The following CS variants were observed in gnomAD, a reference collection of about 807,000 sequenced individuals.
CS encodes the protein citrate synthase, mitochondrial.
CS carries 13 observed loss-of-function variants against 61.4 expected under a neutral mutation model. That is an observed-to-expected ratio of 0.21 (90% CI 0.14 to 0.34). The LOEUF (loss-of-function observed/expected upper bound fraction) is 0.34. Among genes scored for constraint, CS ranks in the 10% least tolerant of loss-of-function variants. CS has a pLI of 1.00. For synonymous variants in CS, 159 were observed against 215.2 expected (o/e 0.74, Z 2.29); for missense variants, 278 against 573.4 (o/e 0.48, Z 5.26).
At chr12:56,290,477 TG>T (rs978681003) in intron 1 of CS, among the ~76,000 whole-genome samples, 4 of 152,188 alleles carry the variant, frequency 2.6e-5, no homozygotes, top group Admixed American at 1.3e-4. Context: ...CCCAAAGTGC[TG>T]GGATTACAGG....
intron 6 of CS, 51 bp from the exon 7 acceptor site, chr12:56,276,246 A>C (rs760381222): frequency 4.5e-6 from 7 of 1,568,918 alleles, no homozygotes; most frequent in Admixed American, 3.4e-5. Context: ...ATCAGCAAAG[A>C]AGAATTAGGC....
chr12:56,281,270 G>A (rs1342061663), intron 6 of CS, among the ~76,000 whole-genome samples: 9 of 152,264 alleles, frequency 5.9e-5, no homozygotes, highest in Admixed American at 4.6e-4. Context: ...GTGTTTCTGA[G>A]TTTGTGGGGT....
At chr12:56,283,035 A>G (rs1444163919) in intron 4 of CS, 44 bp from the exon 5 acceptor site, 2 of 1,593,734 alleles carry the variant, frequency 1.3e-6, no homozygotes, top group South Asian at 2.2e-5. Context: ...TTTATAGCCT[A>G]GAAGTCACAC....
At chr12:56,284,759 C>T (rs1872887862) in intron 3 of CS, among the ~76,000 whole-genome samples, 2 of 149,518 alleles carry the variant, frequency 1.3e-5, no homozygotes, top group East Asian at 4.1e-4. Flanking sequence ...ATCAGCTGGG[C>T]GTGGTGGTGC....
At chr12:56,299,291 G>C (rs748175604) in intron 1 of CS, among the ~76,000 whole-genome samples, 1 of 152,088 alleles carries the variant, frequency 6.6e-6, no homozygotes, top group African/African-American at 2.4e-5. Flanking sequence ...ATCATTACCT[G>C]CAACAGTATT....
intron 1 of CS, among the ~76,000 whole-genome samples, chr12:56,299,430 T>C (rs1873408424): frequency 6.6e-6 from 1 of 152,222 alleles, no homozygotes; most frequent in Non-Finnish European, 1.5e-5. Flanking sequence ...TCATGTGACC[T>C]TGGCATTAGT....
intron 1 of CS, among the ~76,000 whole-genome samples, chr12:56,290,196 G>T (rs1303397885): frequency 6.6e-6 from 1 of 150,616 alleles, no homozygotes; most frequent in African/African-American, 2.4e-5. Flanking sequence ...GTGCCCGGAA[G>T]ATTTTATGTT....
chr12:56,299,861 G>A, intron 1 of CS: 1 of 349,522 alleles, frequency 2.9e-6, no homozygotes, highest in Non-Finnish European at 5.3e-6. Context: ...TGCTATTTCA[G>A]GGCCACGCAT....
At chr12:56,281,697 C>T (rs1037833323) in intron 6 of CS, among the ~76,000 whole-genome samples, 3 of 152,138 alleles carry the variant, frequency 2.0e-5, no homozygotes, top group Admixed American at 6.6e-5. Flanking sequence ...TTTTTATGTA[C>T]AGATAGGATC....
chr12:56,285,779 T>TG, intron 3 of CS, 137 bp downstream of exon 3: 1 of 729,160 alleles, frequency 1.4e-6, no homozygotes, highest in Non-Finnish European at 2.4e-6. Context: ...ATCTGAAGGA[T>TG]GGGGAAAAGT....
At chr12:56,279,599 T>C (rs1872714778) in intron 6 of CS, among the ~76,000 whole-genome samples, 1 of 151,884 alleles carries the variant, frequency 6.6e-6, no homozygotes, top group Admixed American at 6.6e-5. Context: ...ACCCCGACTC[T>C]ACTAAAAATA....
intron 1 of CS, among the ~76,000 whole-genome samples, chr12:56,293,555 A>T (rs1873200651): frequency 6.6e-6 from 1 of 152,100 alleles, no homozygotes; most frequent in African/African-American, 2.4e-5. Flanking sequence ...CATCTCTACT[A>T]AAAATACAAA....
chr12:56,280,886 T>C (rs1240006808), intron 6 of CS, among the ~76,000 whole-genome samples: 2 of 152,224 alleles, frequency 1.3e-5, no homozygotes, highest in Non-Finnish European at 2.9e-5. Context: ...TTTTGCATCA[T>C]TCTGATACCA....
intron 6 of CS, among the ~76,000 whole-genome samples, chr12:56,278,909 G>A (rs1053103031): frequency 2.6e-5 from 4 of 152,034 alleles, no homozygotes; most frequent in Non-Finnish European, 1.5e-5. Context: ...GAGTAGTTGG[G>A]ATTACAGGTG....
intron 1 of CS, among the ~76,000 whole-genome samples, chr12:56,289,252 C>A (rs1873038551): frequency 6.6e-6 from 1 of 151,992 alleles, no homozygotes; most frequent in Non-Finnish European, 1.5e-5. Flanking sequence ...AAAAAGTGGG[C>A]AAAGAAAACA....
chr12:56,285,337 C>T, intron 3 of CS: 1 of 374,758 alleles, frequency 2.7e-6, no homozygotes, highest in Non-Finnish European at 5.5e-6. Context: ...GGCTATACTA[C>T]AGTGGCATAA....
At chr12:56,273,546 T>C in intron 10 of CS, 41 bp downstream of exon 10, 1 of 1,586,324 alleles carries the variant, frequency 6.3e-7, no homozygotes, top group Non-Finnish European at 8.7e-7. Flanking sequence ...ACAATAGGGT[T>C]TGGTACAAAT....
Position 56,271,860 on chromosome 12 carries a change from G to C in CS, c.*1224C>G. ...ACAGGCAGGAGTTTGGAGGAAAGATGGGGGCACAGCAGGAGTGTATCTTAA... is the reference window on the plus strand; with the variant it reads ...ACAGGCAGGAGTTTGGAGGAAAGATCGGGGCACAGCAGGAGTGTATCTTAA... On this transcript the variant is annotated 3_prime_UTR_variant, in exon 11 of 11. Transcript: ENST00000351328. 1 of 456,346 alleles carries C rather than the reference G, an allele frequency of 2.2e-6. No homozygotes were observed. Among genetic ancestry groups the C allele is most frequent in the Non-Finnish European group, 4.4e-6 (1 of 226,734 alleles). 28.3% of individuals were successfully genotyped at this position (456,346 alleles called of 1,614,324 possible).
intron 1 of CS, among the ~76,000 whole-genome samples, chr12:56,296,540 A>C (rs960338636): frequency 6.6e-6 from 1 of 152,204 alleles, no homozygotes; most frequent in African/African-American, 2.4e-5. Context: ...CTATTGCTAC[A>C]GTTGCCTCAT....
Sources: gnomAD v4.1 joint callset for allele counts (sites outside exome capture counted in the v4.1 genomes callset) on GRCh38, gnomAD v4.1.1 for gene constraint, MANE v1.5 for transcripts, NCBI Gene and HGNC (gene_info 2026-07-23, HGNC 2026-07-21) for gene names.